The following AQR variants were observed in gnomAD, a reference collection of about 807,000 sequenced individuals.
AQR encodes the protein RNA helicase aquarius.
AQR carries 61 observed loss-of-function variants against 180.5 expected under a neutral mutation model. The observed-to-expected ratio is 0.34, with a 90% CI of 0.28 to 0.42. AQR has a LOEUF of 0.42. Among genes scored for constraint, AQR ranks in the 10% least tolerant of loss-of-function variants. The pLI, the probability that AQR is intolerant of heterozygous loss-of-function variation, is 1.00. For synonymous variants in AQR, 551 were observed against 588.8 expected, an observed-to-expected ratio of 0.94 and a Z score of 0.93; for missense variants, 1,281 against 1,798.3, an observed-to-expected ratio of 0.71 and a Z score of 5.20.
intron 9 of AQR, 142 bp downstream of exon 9, chr15:34,938,595 G>A (rs1238080145): frequency 1.8e-6 from 1 of 564,522 alleles, no homozygotes; most frequent in African/African-American, 1.9e-5. Flanking sequence ...CACTGGTAAT[G>A]TATTTAAAAA....
At chr15:34,902,226 G>A (rs1373415885) in intron 19 of AQR, among the ~76,000 whole-genome samples, 1 of 152,096 alleles carries the variant, frequency 6.6e-6, no homozygotes, top group African/African-American at 2.4e-5. Context: ...TCACACAGTA[G>A]GAGGAAACAT....
chr15:34,862,492 G>A (rs939066913), intron 33 of AQR, among the ~76,000 whole-genome samples: 7 of 152,096 alleles, frequency 4.6e-5, no homozygotes, highest in Admixed American at 1.3e-4. Context: ...ATGAGATAAT[G>A]TATGTAAAGA....
chr15:34,958,656 G>T (rs1243246959), intron 3 of AQR, among the ~76,000 whole-genome samples: 1 of 151,780 alleles, frequency 6.6e-6, no homozygotes, highest in Admixed American at 6.6e-5. Context: ...TAATAGCAAG[G>T]GTTTAAATGA....
At chr15:34,918,968 G>A (rs751807366) in intron 14 of AQR, among the ~76,000 whole-genome samples, 3 of 152,176 alleles carry the variant, frequency 2.0e-5, no homozygotes, top group South Asian at 2.1e-4. Flanking sequence ...ACCGGGTGCA[G>A]TGGCTCATGC....
chr15:34,960,995 A>C (rs1342675769), intron 2 of AQR, among the ~76,000 whole-genome samples, 181 bp from the exon 3 acceptor site: 1 of 152,240 alleles, frequency 6.6e-6, no homozygotes, highest in Non-Finnish European at 1.5e-5. Context: ...ATATGAAATT[A>C]ACAGAAAGCA....
At chr15:34,942,389 T>C (rs1894037622) in intron 6 of AQR, among the ~76,000 whole-genome samples, 1 of 152,234 alleles carries the variant, frequency 6.6e-6, no homozygotes, top group East Asian at 1.9e-4. Flanking sequence ...ACGTGCACAT[T>C]CTCAGGTGAG....
chr15:34,919,197 C>G (rs910128913), intron 14 of AQR, among the ~76,000 whole-genome samples: 1 of 148,220 alleles, frequency 6.7e-6, no homozygotes, highest in Non-Finnish European at 1.5e-5. Flanking sequence ...CGAGATTGCA[C>G]CATTGCACTC....
At position 34,871,958 on chromosome 15, in the gene AQR, A is replaced by T. The variant is rs796854460; in HGVS notation, c.3598-1036T>A. ...AATAAGAATATAAACACAATATTTA[A>T]AAAAAAAAAAAAAGGAAGCTGGATT... On this transcript the variant is annotated intron_variant, in intron 30 of 34. Coordinates refer to ENST00000156471, the MANE Select transcript of AQR (RefSeq NM_014691.3). 2.7e-4 allele frequency among the ~76,000 whole-genome samples: 34 copies of T among 124,396 alleles called. 1 individual carries two copies. In the South Asian group the frequency reaches 6.6e-3, roughly 24 times the overall value. 81.6% of individuals were successfully genotyped at this position (124,396 alleles called of 152,430 possible).
At chr15:34,873,738 T>A in intron 30 of AQR, 90 bp downstream of exon 30, 1 of 1,217,208 alleles carries the variant, frequency 8.2e-7, no homozygotes, top group Non-Finnish European at 1.1e-6. Context: ...TTTCCTTTTC[T>A]CAACGGCCAA....
Position 34,893,566 on chromosome 15 carries a change from C to T in AQR, c.2571+97G>A, listed in dbSNP as rs1893182352. ...TATTGTGTCCCACACTTACCTCCCCCTCAACCCCTAACCTGCATACCCATG... is the reference window on the plus strand; with the variant it reads ...TATTGTGTCCCACACTTACCTCCCCTTCAACCCCTAACCTGCATACCCATG... On this transcript the variant is annotated intron_variant, in intron 23 of 34. Transcript: ENST00000156471. 2.0e-5 allele frequency: 21 copies of T among 1,034,878 alleles called. 2 individuals are homozygous for T. Among genetic ancestry groups the T allele is most frequent in the Non-Finnish European group, 3.1e-5 (21 of 687,816 alleles). 64.1% of individuals were successfully genotyped at this position (1,034,878 alleles called of 1,614,324 possible).
chr15:34,938,655 G>A lies in AQR; in HGVS notation c.718+82C>T. ...ACAATTTAAAATCATTCCAAGAACA[G>A]TTTTTAGATTAGAGATGAGTAAATA... On this transcript the variant is annotated intron_variant, in intron 9 of 34. Coordinates refer to ENST00000156471, the MANE Select transcript of AQR (RefSeq NM_014691.3). 4 of 894,908 alleles carry A rather than the reference G, an allele frequency of 4.5e-6. No individual in the cohort carries two copies. The South Asian group carries it at 6.4e-5, about 14-fold the overall frequency. 55.4% of individuals were successfully genotyped at this position (894,908 alleles called of 1,614,324 possible). A position where few individuals can be genotyped will look rare whatever the true frequency, so the allele number is the denominator to read the frequency against.
chr15:34,890,146 T>G, intron 24 of AQR, 69 bp downstream of exon 24: 1 of 1,369,128 alleles, frequency 7.3e-7, no homozygotes, highest in South Asian at 1.3e-5. Context: ...TTTCTTCTTC[T>G]TTAATAAAAG....
intron 27 of AQR, among the ~76,000 whole-genome samples, chr15:34,880,566 G>GA (rs909555807): frequency 2.7e-4 from 41 of 151,856 alleles, no homozygotes; most frequent in African/African-American, 8.2e-4. Flanking sequence ...ATTCCAGAAA[G>GA]AAAAAAAAAT....
At chr15:34,860,361 AG>A (rs1176700963) in intron 33 of AQR, among the ~76,000 whole-genome samples, 1 of 152,046 alleles carries the variant, frequency 6.6e-6, no homozygotes, top group Non-Finnish European at 1.5e-5. Flanking sequence ...ATTAATAAAA[AG>A]GGGGCCCAGG....
chr15:34,960,206 G>A (rs905940230), intron 3 of AQR, among the ~76,000 whole-genome samples: 1 of 152,140 alleles, frequency 6.6e-6, no homozygotes, highest in African/African-American at 2.4e-5. Flanking sequence ...GAAGCATGAT[G>A]AAAAATAGCA....
At chr15:34,910,004 A>C in intron 17 of AQR, 131 bp downstream of exon 17, 2 of 1,090,960 alleles carry the variant, frequency 1.8e-6, no homozygotes, top group Non-Finnish European at 2.6e-6. Flanking sequence ...TATTCTTTAA[A>C]TCAAATTTCA....
chr15:34,969,210 T>G (rs915262627), intron 1 of AQR, among the ~76,000 whole-genome samples: 4 of 152,160 alleles, frequency 2.6e-5, no homozygotes, highest in African/African-American at 7.2e-5. Flanking sequence ...CAGTCTCAGA[T>G]AGACTGGGGT....
intron 32 of AQR, among the ~76,000 whole-genome samples, chr15:34,863,453 T>C (rs1292580319): frequency 2.0e-5 from 3 of 152,150 alleles, no homozygotes; most frequent in African/African-American, 7.2e-5. Context: ...TAGATAACTC[T>C]TACCACACTG....
In AQR at chr15:34,920,354, T is replaced by A. The variant is rs568982096; in HGVS notation, c.1199A>T (p.Lys400Ile). 9 of 1,611,530 alleles carry A rather than the reference T, an allele frequency of 5.6e-6. No individual in the cohort carries two copies. The South Asian group carries it at 8.8e-5, about 16-fold the overall frequency. Residue 400 changes from lysine to isoleucine, a missense_variant, in exon 14 of 35, where the codon AAA (lysine) becomes ATA (isoleucine). This residue lies in a region of AQR where 404 missense variants were observed against 490.9 expected (regional missense o/e 0.82). Coordinates refer to ENST00000156471, the MANE Select transcript of AQR (RefSeq NM_014691.3). ...LPKNEDTTFD[K>I]EFLLELLVSR... ...TACCAGCAATTCTAGAAGAAATTCT[T>A]TATCAAAAGTTGTGTCTTCATTTTT...
Sources: allele counts gnomAD v4.1 joint callset (sites outside exome capture counted in the v4.1 genomes callset), GRCh38; gene constraint gnomAD v4.1.1; regional missense constraint gnomAD v4.1.1; transcripts MANE v1.5; gene names NCBI Gene and HGNC (gene_info 2026-07-23, HGNC 2026-07-21).